TMPRSS11D: variants seen among roughly 807,000 people sequenced by gnomAD.
TMPRSS11D encodes transmembrane serine protease 11D, also known as transmembrane protease serine 11D.
A neutral mutation model predicts 44.4 loss-of-function variants in TMPRSS11D; 32 were observed. The ratio of observed to expected loss-of-function variants is 0.72; its 90% confidence interval spans 0.54 to 0.97. The LOEUF is 0.97. Ranked by LOEUF, TMPRSS11D falls within the 50% of genes least tolerant of loss-of-function variation. The pLI is 0.00. For synonymous variants in TMPRSS11D, 179 were observed against 177.9 expected (o/e 1.01, Z -0.05); for missense variants, 446 against 502.6 (o/e 0.89, Z 1.08).
intron 1 of TMPRSS11D, among the ~76,000 whole-genome samples, chr4:67,862,689 A>G (rs1718817747): frequency 1.3e-5 from 2 of 152,184 alleles, no homozygotes; most frequent in Non-Finnish European, 2.9e-5. Flanking sequence ...TGGATTAAGA[A>G]AATGTGGCAC....
At chr4:67,843,410 C>A (rs951530534) in intron 3 of TMPRSS11D, among the ~76,000 whole-genome samples, 1 of 151,986 alleles carries the variant, frequency 6.6e-6, no homozygotes, top group African/African-American at 2.4e-5. Flanking sequence ...GTTCCTAACA[C>A]AAAGAAAGAT....
intron 7 of TMPRSS11D, among the ~76,000 whole-genome samples, chr4:67,830,913 A>G (rs989507603): frequency 1.2e-4 from 19 of 152,136 alleles, no homozygotes; most frequent in Admixed American, 9.2e-4. Context: ...ACAATTGTTA[A>G]GTATTAATGA....
intron 3 of TMPRSS11D, among the ~76,000 whole-genome samples, chr4:67,852,246 T>C (rs1448231682): frequency 4.6e-5 from 7 of 152,080 alleles, no homozygotes; most frequent in Non-Finnish European, 1.0e-4. Flanking sequence ...CTCTAAAACG[T>C]AGTTAGAGTT....
At chr4:67,829,886 G>A (rs1717903369) in intron 7 of TMPRSS11D, among the ~76,000 whole-genome samples, 1 of 151,892 alleles carries the variant, frequency 6.6e-6, no homozygotes. Context: ...GGAGGGAAAT[G>A]GGGCCTCTTT....
intron 9 of TMPRSS11D, 89 bp from the exon 10 acceptor site, chr4:67,822,587 G>C: frequency 7.2e-7 from 1 of 1,385,328 alleles, no homozygotes; most frequent in Non-Finnish European, 1.0e-6. Flanking sequence ...CGAGGAAGGA[G>C]TCACATTCAT....
intron 3 of TMPRSS11D, among the ~76,000 whole-genome samples, chr4:67,853,048 G>A (rs970794021): frequency 6.6e-6 from 1 of 152,174 alleles, no homozygotes; most frequent in African/African-American, 2.4e-5. Flanking sequence ...GGCTTTTCAG[G>A]TTGGCTATAA....
chr4:67,880,010 T>C (rs894474458), intron 1 of TMPRSS11D, among the ~76,000 whole-genome samples: 1 of 152,234 alleles, frequency 6.6e-6, no homozygotes, highest in African/African-American at 2.4e-5. Context: ...TATATAATAT[T>C]GATCTCATTT....
intron 1 of TMPRSS11D, among the ~76,000 whole-genome samples, chr4:67,868,536 C>T (rs1196222272): frequency 6.6e-6 from 1 of 152,092 alleles, no homozygotes; most frequent in Non-Finnish European, 1.5e-5. Flanking sequence ...GACGGGTAGG[C>T]CCTCTGGGTA....
At chr4:67,876,303 T>C (rs1719189392) in intron 1 of TMPRSS11D, among the ~76,000 whole-genome samples, 2 of 152,176 alleles carry the variant, frequency 1.3e-5, no homozygotes, top group Non-Finnish European at 2.9e-5. Context: ...TTAAATGAGA[T>C]ACTGTTTATA....
chr4:67,859,300 T>C (rs576137604), intron 2 of TMPRSS11D, among the ~76,000 whole-genome samples: 2 of 152,188 alleles, frequency 1.3e-5, no homozygotes, highest in Admixed American at 1.3e-4. Flanking sequence ...AGAATAATTC[T>C]TTTTTGAGTA....
At chr4:67,870,600 G>C (rs1719033732) in intron 1 of TMPRSS11D, among the ~76,000 whole-genome samples, 2 of 152,044 alleles carry the variant, frequency 1.3e-5, no homozygotes, top group African/African-American at 4.8e-5. Context: ...GGATCACGAG[G>C]TCAGGAGATC....
At chr4:67,858,324 G>T (rs562702168) in intron 2 of TMPRSS11D, among the ~76,000 whole-genome samples, 1 of 152,112 alleles carries the variant, frequency 6.6e-6, no homozygotes, top group South Asian at 2.1e-4. Flanking sequence ...CTTACCAAGG[G>T]GCCTACTCTT....
chr4:67,857,755 A>G (rs961072461), intron 2 of TMPRSS11D, among the ~76,000 whole-genome samples: 6 of 152,206 alleles, frequency 3.9e-5, no homozygotes, highest in African/African-American at 1.4e-4. Flanking sequence ...GCTAACAGAT[A>G]TAAACATATA....
intron 1 of TMPRSS11D, among the ~76,000 whole-genome samples, chr4:67,872,063 A>C (rs147306009): frequency 6.6e-6 from 1 of 152,258 alleles, no homozygotes; most frequent in East Asian, 1.9e-4. Flanking sequence ...ATAGCCCAAC[A>C]TGTACTGTAG....
chr4:67,880,198 A>T (rs1211522857), intron 1 of TMPRSS11D, among the ~76,000 whole-genome samples: 13 of 152,188 alleles, frequency 8.5e-5, no homozygotes, highest in Admixed American at 8.5e-4. Flanking sequence ...GTCTTCTAAG[A>T]TACTGGTGAT....
At chr4:67,880,364 A>G (rs1235022235) in intron 1 of TMPRSS11D, among the ~76,000 whole-genome samples, 1 of 152,198 alleles carries the variant, frequency 6.6e-6, no homozygotes, top group Non-Finnish European at 1.5e-5. Flanking sequence ...AGATCTTTAG[A>G]ATAGTTTTGC....
At chr4:67,883,717 T>TA (rs1230989658) in intron 1 of TMPRSS11D, among the ~76,000 whole-genome samples, 2 of 152,202 alleles carry the variant, frequency 1.3e-5, no homozygotes, top group Non-Finnish European at 2.9e-5. Context: ...GGTTGTTTTA[T>TA]AAAAAATTCA....
chr4:67,850,333 T>A (rs560161080), intron 3 of TMPRSS11D, among the ~76,000 whole-genome samples: 39 of 152,346 alleles, frequency 2.6e-4, no homozygotes, highest in African/African-American at 9.1e-4. Context: ...GGTGCATTAA[T>A]CTTTGACTTC....
intron 7 of TMPRSS11D, among the ~76,000 whole-genome samples, chr4:67,831,374 C>G (rs1174643624): frequency 6.6e-6 from 1 of 152,070 alleles, no homozygotes; most frequent in African/African-American, 2.4e-5. Flanking sequence ...GGGTCCAATA[C>G]AAGGTTCACA....
Sources: allele counts gnomAD v4.1 joint callset (sites outside exome capture counted in the v4.1 genomes callset), GRCh38; gene constraint gnomAD v4.1.1; transcripts MANE v1.5; gene names NCBI Gene and HGNC (gene_info 2026-07-23, HGNC 2026-07-21).